The following SLC1A1 variants were observed in gnomAD, a reference collection of about 807,000 sequenced individuals.
The protein encoded by SLC1A1 is excitatory amino acid transporter 3.
SLC1A1 carries 43 observed loss-of-function variants against 53.3 expected under a neutral mutation model. The observed-to-expected ratio is 0.81, with a 90% CI of 0.63 to 1.04. The LOEUF (loss-of-function observed/expected upper bound fraction) is 1.04, where lower values mean the gene tolerates loss of function less well. SLC1A1 is among the 50% of genes least tolerant of loss of function. The pLI is 0.00. For missense variants in SLC1A1, 748 were observed against 664.9 expected, an observed-to-expected ratio of 1.12 and a Z score of -1.37; for synonymous variants, 307 against 243.2, an observed-to-expected ratio of 1.26 and a Z score of -2.44.
At chr9:4,505,681 G>A (rs1036380394) in intron 1 of SLC1A1, among the ~76,000 whole-genome samples, 1 of 151,978 alleles carries the variant, frequency 6.6e-6, no homozygotes, top group African/African-American at 2.4e-5. Flanking sequence ...TTTTGGGAAG[G>A]TGTCTCACAC....
intron 1 of SLC1A1, among the ~76,000 whole-genome samples, chr9:4,525,280 A>G (rs1455748417): frequency 6.6e-6 from 1 of 152,224 alleles, no homozygotes; most frequent in African/African-American, 2.4e-5. Context: ...ACCCATGAGA[A>G]GATTAAAATC....
At chr9:4,569,111 G>T (rs948782095) in intron 6 of SLC1A1, among the ~76,000 whole-genome samples, 2 of 152,020 alleles carry the variant, frequency 1.3e-5, no homozygotes, top group African/African-American at 4.8e-5. Flanking sequence ...CTACCTCTCT[G>T]GGTCTGCTTA....
intron 1 of SLC1A1, among the ~76,000 whole-genome samples, chr9:4,515,006 T>TCGCTGA (rs1821117068): frequency 6.6e-6 from 1 of 152,048 alleles, no homozygotes; most frequent in South Asian, 2.1e-4. Context: ...ATCCCTTTTC[T>TCGCTGA]CGCTGACTCT....
chr9:4,534,571 T>C (rs1278533880), intron 1 of SLC1A1, among the ~76,000 whole-genome samples: 5 of 152,072 alleles, frequency 3.3e-5, no homozygotes, highest in African/African-American at 2.4e-5. Context: ...CAATAATTAA[T>C]AGCTTACCAA....
chr9:4,532,280 T>C, intron 1 of SLC1A1, among the ~76,000 whole-genome samples: 1 of 151,660 alleles, frequency 6.6e-6, no homozygotes, highest in East Asian at 2.0e-4. Flanking sequence ...AAGGAGGAAG[T>C]TCGAACCCAA....
At position 4,577,804 on chromosome 9, in the gene SLC1A1, T is replaced by C. The variant is rs372075255; in HGVS notation, c.1193+1041T>C. 4.4e-4 allele frequency among the ~76,000 whole-genome samples: 67 copies of C among 152,206 alleles called. 1 individual carries two copies. In the Middle Eastern group the frequency reaches 0.02, roughly 46 times the overall value. The stretch of plus-strand genomic sequence containing the variant: ...TGCATTTTACAAAGATAAGCAGCAA[T>C]ATGGAAGATATATTGGATGGGAGCA... On this transcript the variant is annotated intron_variant, in intron 10 of 11. Transcript: ENST00000262352.
Position 4,572,219 on chromosome 9 carries a change from T to A in SLC1A1, c.598T>A (p.Tyr200Asn), listed in dbSNP as rs368385733. 6.2e-7 allele frequency: 1 copy of A among 1,613,268 alleles called. No individual in the cohort carries two copies. The highest frequency in any genetic ancestry group is 1.3e-5 in the African/African-American group (1 of 74,918). Residue 200 changes from tyrosine (Y) to asparagine (N), a missense_variant, in exon 7 of 12, where the codon TAC becomes AAC. Tyr to Asn is a moderately radical substitution (Grantham distance 143). Transcript: ENST00000262352. ...TAISKNKTKE[Y>N]KIVGMYSDGI... ...TGATCCACAGAACAAAACAAAGGAA[T>A]ACAAAATTGTTGGCATGTATTCAGA...
chr9:4,573,089 G>C (rs1820209014), intron 7 of SLC1A1, among the ~76,000 whole-genome samples: 1 of 152,146 alleles, frequency 6.6e-6, no homozygotes, highest in African/African-American at 2.4e-5. Flanking sequence ...TTTATAACTG[G>C]CACTGCATGG....
chr9:4,518,261 A>G lies in SLC1A1; in HGVS notation c.92-26306A>G, dbSNP rs543121931. Among the ~76,000 whole-genome samples, 10 of 138,522 alleles carry G rather than the reference A, an allele frequency of 7.2e-5. No homozygotes were observed. The South Asian group carries it at 9.3e-4, about 13-fold the overall frequency. 90.9% of individuals were successfully genotyped at this position (138,522 alleles called of 152,430 possible). On this transcript the variant is annotated intron_variant, in intron 1 of 11. Coordinates refer to ENST00000262352, the MANE Select transcript of SLC1A1 (RefSeq NM_004170.6). ...AAAAAAAAAAAAAAAAAAAAAAAAG[A>G]ATGAAGTCCTTACTTTTTTTTTGAT... is the stretch of plus-strand genomic sequence containing the variant.
chr9:4,575,961 T>C (rs746857631), intron 8 of SLC1A1, 40 bp from the exon 9 acceptor site: 2 of 1,608,928 alleles, frequency 1.2e-6, no homozygotes, highest in Non-Finnish European at 1.7e-6. Flanking sequence ...GGGGAGGTGG[T>C]ATTATCTTTG....
chr9:4,542,745 A>T (rs1166982418), intron 1 of SLC1A1, among the ~76,000 whole-genome samples: 2 of 152,208 alleles, frequency 1.3e-5, no homozygotes, highest in Non-Finnish European at 2.9e-5. Flanking sequence ...GCAGGAAGTG[A>T]GCACATCGTA....
chr9:4,559,829 C>T (rs936020272), intron 2 of SLC1A1: 1 of 152,140 alleles, frequency 6.6e-6, no homozygotes, highest in Non-Finnish European at 1.5e-5. Context: ...GACAGCTTGC[C>T]GAAAGATGAT....
chr9:4,540,954 A>G lies in SLC1A1; in HGVS notation c.92-3613A>G, dbSNP rs116254257. ...TATGGCCCAGGTTCCACACCTCACA[A>G]TTGGTGGAACCAGGCTTGAGCCTGC... On this transcript the variant is annotated intron_variant, in intron 1 of 11. Transcript: ENST00000262352. 4.3e-3 allele frequency among the ~76,000 whole-genome samples: 649 copies of G among 152,328 alleles called. 5 individuals are homozygous for G. Among genetic ancestry groups the G allele is most frequent in the African/African-American group, 0.015 (605 of 41,566 alleles).
At chr9:4,521,402 C>G (rs1307603081) in intron 1 of SLC1A1, among the ~76,000 whole-genome samples, 2 of 152,088 alleles carry the variant, frequency 1.3e-5, no homozygotes, top group Non-Finnish European at 2.9e-5. Flanking sequence ...TGTTGAGGCC[C>G]TGCATTAATC....
chr9:4,509,601 G>T (rs1820927855), intron 1 of SLC1A1, among the ~76,000 whole-genome samples: 1 of 151,818 alleles, frequency 6.6e-6, no homozygotes, highest in Non-Finnish European at 1.5e-5. Flanking sequence ...CTACCATTAA[G>T]ATCTACAGCT....
Position 4,586,187 on chromosome 9 carries a change from C to T in SLC1A1, c.*629C>T, listed in dbSNP as rs550214254. 202 of 154,892 alleles carry T rather than the reference C, an allele frequency of 1.3e-3. No individual in the cohort carries two copies. Among genetic ancestry groups the T allele is most frequent in the Middle Eastern group, 3.2e-3 (1 of 316 alleles). 9.6% of individuals were successfully genotyped at this position (154,892 alleles called of 1,614,324 possible). ...ATGTACTGTATTGGGACGCTGGTAA[C>T]TGTTAACCCAGTGTTCAGCATAGAG... On this transcript the variant is annotated 3_prime_UTR_variant, in exon 12 of 12. Transcript: ENST00000262352.
At chr9:4,540,873 A>G (rs1816945311) in intron 1 of SLC1A1, among the ~76,000 whole-genome samples, 1 of 152,244 alleles carries the variant, frequency 6.6e-6, no homozygotes, top group African/African-American at 2.4e-5. Context: ...TAGAGGCATT[A>G]GAAGGGACTT....
chr9:4,579,715 A>G (rs1225683086), intron 10 of SLC1A1, among the ~76,000 whole-genome samples: 3 of 152,206 alleles, frequency 2.0e-5, no homozygotes, highest in Non-Finnish European at 2.9e-5. Context: ...GTTTTGCTTG[A>G]CAGTTACCAT....
At position 4,503,602 on chromosome 9, in the gene SLC1A1, C is replaced by T. The variant is rs576184428; in HGVS notation, c.91+12832C>T. On this transcript the variant is annotated intron_variant, in intron 1 of 11. Coordinates refer to ENST00000262352, the MANE Select transcript of SLC1A1 (RefSeq NM_004170.6). ...GGATTTCTGGGCTTGAAGACTGGAA[C>T]GAGCAAGTCTGTATAAAGGTGATGA... 1.1e-4 allele frequency among the ~76,000 whole-genome samples: 16 copies of T among 151,858 alleles called. 2 individuals carry two copies. Among genetic ancestry groups the T allele is most frequent in the East Asian group, 9.6e-4 (5 of 5,192 alleles).
Sources: allele counts gnomAD v4.1 joint callset (sites outside exome capture counted in the v4.1 genomes callset), GRCh38; gene constraint gnomAD v4.1.1; transcripts MANE v1.5; gene names NCBI Gene and HGNC (gene_info 2026-07-23, HGNC 2026-07-21).